Variants in LRCH3 observed in about 807,000 individuals in gnomAD.
LRCH3 encodes the protein leucine rich repeats and calponin homology domain containing 3, also known as DISP complex protein LRCH3.
Under a neutral mutation model 104.5 loss-of-function variants are expected in LRCH3, and 68 were observed. The ratio of observed to expected loss-of-function variants is 0.65; its 90% CI spans 0.54 to 0.80. LRCH3 has a LOEUF of 0.80. LRCH3 is among the 30% of genes least tolerant of loss of function. LRCH3 has a pLI of 0.00. For synonymous variants in LRCH3, 344 were observed against 361.3 expected (o/e 0.95, Z 0.54); for missense variants, 951 against 953.9 (o/e 1.00, Z 0.04).
rs1580510751 is a variant in LRCH3 at position 197,794,903 on chromosome 3, G to T, written c.262+3363G>T. Among the ~76,000 whole-genome samples the T allele has an allele frequency of 2.6e-5, 4 of 152,132 alleles. No homozygotes were observed. In the South Asian group the frequency reaches 8.3e-4, roughly 32 times the overall value. On this transcript the variant is annotated intron_variant, in intron 1 of 20. Coordinates refer to ENST00000425562, the MANE Select transcript of LRCH3 (RefSeq NM_001365715.1). ...GCCTGTAATCCCAACTACTTGAGAG[G>T]GTGAGGCACGAGACTCGCTTGAACC...
In LRCH3 at chr3:197,888,110, C is replaced by T. The variant is rs975102065; in HGVS notation, c.*4444C>T. 2 of 152,166 alleles carry T rather than the reference C, an allele frequency of 1.3e-5. No individual in the cohort carries two copies. Among genetic ancestry groups the T allele is most frequent in the Non-Finnish European group, 2.9e-5 (2 of 68,036 alleles). The allele number at this position is 152,166 out of a possible 1,614,324, so 9.4% of individuals were successfully genotyped here. ...CTCAGCAGTGACTAATGATGTGTGA[C>T]TATGCGAATGAGTTTGATGAATTCG... On this transcript the variant is annotated 3_prime_UTR_variant, in exon 21 of 21. Coordinates refer to ENST00000425562, the MANE Select transcript of LRCH3 (RefSeq NM_001365715.1).
Position 197,817,334 on chromosome 3 carries a change from G to GTGTGTGTATTT in LRCH3, c.534+39_534+40insATTTTGTGTGT, listed in dbSNP as rs775688797. ...TAATATTTTTGATTGTCCAACATGT[G>GTGTGTGTATTT]TGTGTGTGTGTCTGTGTGTGTGTGT... On this transcript the variant is annotated intron_variant, in intron 3 of 20. Transcript: ENST00000425562. 7.8e-6 allele frequency: 4 copies of GTGTGTGTATTT among 513,576 alleles called. 1 individual carries two copies. Among genetic ancestry groups the GTGTGTGTATTT allele is most frequent in the Non-Finnish European group, 1.1e-5 (4 of 358,802 alleles). 31.8% of individuals were successfully genotyped at this position (513,576 alleles called of 1,614,324 possible).
At chr3:197,880,394 C>T (rs574557336) in intron 20 of LRCH3, 1 of 762,004 alleles carries the variant, frequency 1.3e-6, no homozygotes, top group South Asian at 1.7e-5. Flanking sequence ...AAAAATGTTA[C>T]AGGATGTGTA....
intron 10 of LRCH3, among the ~76,000 whole-genome samples, 181 bp downstream of exon 10, chr3:197,839,578 A>C (rs541662790): frequency 6.6e-6 from 1 of 152,304 alleles, no homozygotes; most frequent in Non-Finnish European, 1.5e-5. Context: ...TTTGATTCTA[A>C]ATTGAGACCA....
chr3:197,823,014 G>A (rs1184941307), intron 4 of LRCH3: 1 of 150,556 alleles, frequency 6.6e-6, no homozygotes, highest in South Asian at 2.1e-4. Flanking sequence ...TTTTGAGACG[G>A]AGTCTCACAC....
At chr3:197,831,972 T>C (rs1736004324) in intron 7 of LRCH3, among the ~76,000 whole-genome samples, 1 of 152,102 alleles carries the variant, frequency 6.6e-6, no homozygotes, top group Admixed American at 6.6e-5. Flanking sequence ...TGGAGTGCAG[T>C]GGTGGAATCC....
chr3:197,819,312 C>T (rs553012915), intron 3 of LRCH3, among the ~76,000 whole-genome samples: 1 of 138,978 alleles, frequency 7.2e-6, no homozygotes, highest in East Asian at 2.2e-4. Flanking sequence ...TTGGCTCAGA[C>T]TCGATTTTTC....
chr3:197,803,519 G>A (rs1465602796), intron 1 of LRCH3, among the ~76,000 whole-genome samples: 1 of 152,190 alleles, frequency 6.6e-6, no homozygotes, highest in Admixed American at 6.5e-5. Context: ...TGCTACTTTA[G>A]CCAGGTGTGG....
intron 2 of LRCH3, 87 bp downstream of exon 2, chr3:197,815,139 T>C (rs1453698795): frequency 1.3e-6 from 1 of 746,346 alleles, no homozygotes; most frequent in Non-Finnish European, 2.1e-6. Flanking sequence ...TACCTATATA[T>C]ATGCTATCTA....
intron 20 of LRCH3, chr3:197,881,452 C>T (rs1713763016): frequency 1.4e-5 from 14 of 985,354 alleles, no homozygotes; most frequent in Non-Finnish European, 1.7e-5. Context: ...AGGGTGGGCA[C>T]CTTCCAGATT....
At chr3:197,807,279 C>T (rs554535434) in intron 1 of LRCH3, among the ~76,000 whole-genome samples, 5 of 150,432 alleles carry the variant, frequency 3.3e-5, no homozygotes, top group South Asian at 2.1e-4. Flanking sequence ...TGCAGTGGCG[C>T]GATCTCGGGT....
At chr3:197,800,614 G>A (rs1054903979) in intron 1 of LRCH3, among the ~76,000 whole-genome samples, 1 of 152,156 alleles carries the variant, frequency 6.6e-6, no homozygotes, top group Non-Finnish European at 1.5e-5. Context: ...GAACGATCCA[G>A]GAAGGTTTAA....
At chr3:197,814,147 T>G (rs1448447754) in intron 1 of LRCH3, among the ~76,000 whole-genome samples, 1 of 152,220 alleles carries the variant, frequency 6.6e-6, no homozygotes, top group Admixed American at 6.5e-5. Flanking sequence ...AAAGGAGGTT[T>G]AATGGAACTT....
chr3:197,829,367 A>C (rs1025693508), intron 5 of LRCH3, among the ~76,000 whole-genome samples, 197 bp from the exon 6 acceptor site: 1 of 152,246 alleles, frequency 6.6e-6, no homozygotes, highest in African/African-American at 2.4e-5. Context: ...CTAGAAAATG[A>C]AAACATATTT....
At chr3:197,869,426 A>T (rs1711798369) in intron 17 of LRCH3, among the ~76,000 whole-genome samples, 1 of 151,190 alleles carries the variant, frequency 6.6e-6, no homozygotes, top group Non-Finnish European at 1.5e-5. Flanking sequence ...CAGGAGGTAG[A>T]AAGCCGTGCA....
At chr3:197,859,294 A>G in intron 15 of LRCH3, 1 of 203,182 alleles carries the variant, frequency 4.9e-6, no homozygotes, top group South Asian at 7.6e-5. Context: ...AGTAGGGGTC[A>G]ACCAACTATG....
intron 12 of LRCH3, chr3:197,850,351 C>CTT (rs199876882): frequency 1.1e-3 from 682 of 618,348 alleles, no homozygotes; most frequent in South Asian, 1.5e-3. Flanking sequence ...ACCATTTTTT[C>CTT]TTTTTTTTTT....
At chr3:197,834,742 T>A (rs993688028) in intron 8 of LRCH3, among the ~76,000 whole-genome samples, 2 of 152,162 alleles carry the variant, frequency 1.3e-5, no homozygotes, top group African/African-American at 4.8e-5. Context: ...CAAAGAAAAA[T>A]GGTAGAGGTC....
intron 8 of LRCH3, among the ~76,000 whole-genome samples, chr3:197,834,651 AC>A (rs1187416001): frequency 2.6e-5 from 4 of 152,336 alleles, no homozygotes; most frequent in African/African-American, 7.2e-5. Context: ...ACAAAGATGC[AC>A]CTTTCAGTCT....
Sources: gnomAD v4.1 joint callset for allele counts (sites outside exome capture counted in the v4.1 genomes callset) on GRCh38, gnomAD v4.1.1 for gene constraint, MANE v1.5 for transcripts, NCBI Gene and HGNC (gene_info 2026-07-23, HGNC 2026-07-21) for gene names.